GRM8: variants seen among roughly 807,000 people sequenced by gnomAD.
The protein encoded by GRM8 is metabotropic glutamate receptor 8.
Under a neutral mutation model 87.2 loss-of-function variants are expected in GRM8, and 47 were observed. The ratio of observed to expected loss-of-function variants is 0.54; its 90% confidence interval spans 0.43 to 0.69. The LOEUF (loss-of-function observed/expected upper bound fraction) is 0.69, where lower values mean the gene tolerates loss of function less well. Ranked by LOEUF, GRM8 falls within the 30% of genes least tolerant of loss-of-function variation. GRM8 has a pLI of 0.00. For synonymous variants in GRM8, 396 were observed against 404.5 expected (o/e 0.98, Z 0.25); for missense variants, 1,019 against 1,139.2 (o/e 0.89, Z 1.52).
chr7:126,746,493 AC>A (rs1305952214), intron 7 of GRM8, among the ~76,000 whole-genome samples: 1 of 151,716 alleles, frequency 6.6e-6, no homozygotes, highest in Non-Finnish European at 1.5e-5. Flanking sequence ...ATAATTAGTA[AC>A]AAAAAGCAAA....
intron 2 of GRM8, among the ~76,000 whole-genome samples, chr7:127,197,471 T>C (rs1189260556): frequency 6.6e-6 from 1 of 152,156 alleles, no homozygotes; most frequent in East Asian, 1.9e-4. Context: ...AAAGAAACAA[T>C]ACTTTTTTCC....
chr7:126,753,793 C>T (rs1019768970), intron 7 of GRM8, among the ~76,000 whole-genome samples: 4 of 151,658 alleles, frequency 2.6e-5, no homozygotes, highest in Non-Finnish European at 3.0e-5. Flanking sequence ...AATAGGCAGG[C>T]AGTTTAAAGC....
chr7:126,612,744 C>T (rs981390140), intron 7 of GRM8, among the ~76,000 whole-genome samples: 1 of 152,212 alleles, frequency 6.6e-6, no homozygotes, highest in Admixed American at 6.5e-5. Context: ...GTGTTCAGTA[C>T]TGAGCAAGTA....
chr7:127,038,176 T>C (rs1480014412), intron 3 of GRM8, among the ~76,000 whole-genome samples: 1 of 152,190 alleles, frequency 6.6e-6, no homozygotes, highest in Non-Finnish European at 1.5e-5. Context: ...AATCATAGCT[T>C]ATACTCCTTT....
At chr7:127,023,194 T>C (rs1034185293) in intron 3 of GRM8, among the ~76,000 whole-genome samples, 1 of 152,128 alleles carries the variant, frequency 6.6e-6, no homozygotes, top group Non-Finnish European at 1.5e-5. Flanking sequence ...TTTCTTTATT[T>C]AGAAGAAAAT....
At chr7:127,184,945 GGA>G (rs1794655239) in intron 2 of GRM8, among the ~76,000 whole-genome samples, 1 of 151,822 alleles carries the variant, frequency 6.6e-6, no homozygotes, top group South Asian at 2.1e-4. Context: ...ATCTATAAGA[GGA>G]AAACTACAAA....
chr7:126,816,067 A>G (rs1289953666), intron 6 of GRM8, among the ~76,000 whole-genome samples: 3 of 152,046 alleles, frequency 2.0e-5, no homozygotes, highest in African/African-American at 7.2e-5. Flanking sequence ...CTCCACAGCA[A>G]TGAGCCTGGG....
chr7:126,944,995 C>G (rs75861683), intron 3 of GRM8, among the ~76,000 whole-genome samples: 3 of 152,076 alleles, frequency 2.0e-5, no homozygotes, highest in Non-Finnish European at 2.9e-5. Context: ...TATGGGGAAG[C>G]TTTTATATCC....
intron 3 of GRM8, among the ~76,000 whole-genome samples, chr7:126,911,167 T>C (rs1803248787): frequency 1.3e-5 from 2 of 152,214 alleles, no homozygotes; most frequent in Admixed American, 6.5e-5. Flanking sequence ...CACCATTTTA[T>C]GTGTAATATT....
chr7:126,654,048 G>C (rs965262169), intron 7 of GRM8, among the ~76,000 whole-genome samples: 4 of 152,202 alleles, frequency 2.6e-5, no homozygotes, highest in African/African-American at 9.7e-5. Flanking sequence ...CTAGAGTCAA[G>C]AGGAAATGTC....
intron 7 of GRM8, among the ~76,000 whole-genome samples, chr7:126,666,441 C>T (rs2299492): frequency 0.064 from 9,739 of 151,960 alleles, 601 homozygotes; most frequent in East Asian, 0.31. Context: ...ACCAGTTGCA[C>T]AAAAATAATA....
intron 3 of GRM8, among the ~76,000 whole-genome samples, chr7:126,926,923 A>G (rs1004558887): frequency 3.9e-5 from 6 of 152,134 alleles, no homozygotes; most frequent in African/African-American, 1.4e-4. Context: ...CTAGTTCCAC[A>G]TTTTCCCAAC....
At position 126,787,684 on chromosome 7, in the gene GRM8, T is replaced by C. The variant is rs1299724710; in HGVS notation, c.1157-17619A>G. On this transcript the variant is annotated intron_variant, in intron 6 of 10. Transcript: ENST00000339582. ...ATAGCATCCCATTTTATTTATTTATTTGCTGTTATGTTTCTGTTCTTTCTT... is the reference window on the plus strand; with the variant it reads ...ATAGCATCCCATTTTATTTATTTATCTGCTGTTATGTTTCTGTTCTTTCTT... Among the ~76,000 whole-genome samples the C allele has an allele frequency of 2.6e-5, 4 of 152,274 alleles. No individual in the cohort carries two copies. In the East Asian group the frequency reaches 7.7e-4, roughly 29 times the overall value.
chr7:126,717,226 G>T (rs1474799006), intron 7 of GRM8, among the ~76,000 whole-genome samples: 1 of 141,472 alleles, frequency 7.1e-6, no homozygotes, highest in Non-Finnish European at 1.5e-5. Flanking sequence ...ATAGGGAAGA[G>T]AGAGAAAGTA....
intron 6 of GRM8, among the ~76,000 whole-genome samples, chr7:126,848,014 G>T (rs1439390115): frequency 6.6e-6 from 1 of 152,198 alleles, no homozygotes; most frequent in Non-Finnish European, 1.5e-5. Context: ...CAGTTAGGAG[G>T]TTATTGCAAT....
At chr7:126,956,090 TTA>T (rs1437215088) in intron 3 of GRM8, among the ~76,000 whole-genome samples, 5 of 152,324 alleles carry the variant, frequency 3.3e-5, no homozygotes, top group African/African-American at 1.2e-4. Context: ...TTTTGGTATA[TTA>T]TCAACTACCT....
In GRM8 at chr7:126,657,811, A is replaced by AC. The variant is rs3216289; in HGVS notation, c.1358-48314_1358-48313insG. On this transcript the variant is annotated intron_variant, in intron 7 of 10. Transcript: ENST00000339582. Reference sequence around the variant, plus strand: ...TGTGGTGGGGGTGGAGTGAGTGGGGAAACCCACAGAGGAGGAGCCTCCGCT... The same window carrying AC: ...TGTGGTGGGGGTGGAGTGAGTGGGGACAACCCACAGAGGAGGAGCCTCCGCT... Among the ~76,000 whole-genome samples the AC allele has an allele frequency of 7.4e-4, 12 of 16,274 alleles. No homozygotes were observed. The African/African-American group carries it at 0.01, about 14-fold the overall frequency. The allele number at this position is 16,274 out of a possible 152,430, so 10.7% of individuals were successfully genotyped here. A position where few individuals can be genotyped will look rare whatever the true frequency, so the allele number is the denominator to read the frequency against.
intron 2 of GRM8, among the ~76,000 whole-genome samples, chr7:127,170,372 A>G (rs928991572): frequency 6.6e-5 from 10 of 152,258 alleles, no homozygotes; most frequent in Non-Finnish European, 1.0e-4. Context: ...TGAAAAGGGA[A>G]CACTTTTACA....
At chr7:126,741,324 A>C (rs1465757548) in intron 7 of GRM8, among the ~76,000 whole-genome samples, 2 of 152,128 alleles carry the variant, frequency 1.3e-5, no homozygotes, top group African/African-American at 4.8e-5. Flanking sequence ...GCTTACCTGC[A>C]GAAAACCACC....
Sources: gnomAD v4.1 joint callset for allele counts (sites outside exome capture counted in the v4.1 genomes callset) on GRCh38, gnomAD v4.1.1 for gene constraint, MANE v1.5 for transcripts, NCBI Gene and HGNC (gene_info 2026-07-23, HGNC 2026-07-21) for gene names.